Variants in RANBP2 observed in about 807,000 individuals in gnomAD.
RANBP2 encodes the protein E3 SUMO-protein ligase RanBP2.
A neutral mutation model predicts 303.6 loss-of-function variants in RANBP2; 57 were observed. The observed-to-expected ratio is 0.19, with a 90% CI of 0.15 to 0.23. The LOEUF (loss-of-function observed/expected upper bound fraction) is 0.23, where lower values mean the gene tolerates loss of function less well. RANBP2 is among the 10% of genes least tolerant of loss of function. The pLI is 1.00. For synonymous variants in RANBP2, 1,167 were observed against 1,301.5 expected, an observed-to-expected ratio of 0.90 and a Z score of 2.23; for missense variants, 3,138 against 3,780.8, an observed-to-expected ratio of 0.83 and a Z score of 4.46.
the RANBP2 span, among the ~76,000 whole-genome samples, chr2:109,135,453 T>C: frequency 1.1e-4 from 16 of 152,330 alleles, no homozygotes; most frequent in South Asian, 3.1e-3. Context: ...AGGGATGCTA[T>C]CTGCTTCTTA....
chr2:108,737,659 C>T (rs1320858474), intron 6 of RANBP2, among the ~76,000 whole-genome samples: 4 of 150,854 alleles, frequency 2.7e-5, no homozygotes, highest in Non-Finnish European at 5.9e-5. Context: ...AGTGATTCTC[C>T]TGTCTCTGCC....
the RANBP2 span, among the ~76,000 whole-genome samples, chr2:109,630,887 G>A: frequency 1.8e-3 from 270 of 152,170 alleles, 1 homozygote; most frequent in South Asian, 0.022. Flanking sequence ...CCAACATGGC[G>A]AAAACCCATC....
At chr2:109,505,090 GGCCCTTGGGGC>G in the RANBP2 span, among the ~76,000 whole-genome samples, 1 of 152,154 alleles carries the variant, frequency 6.6e-6, no homozygotes, top group African/African-American at 2.4e-5. Context: ...TTGTCTCTCT[GGCCCTTGGGGC>G]GCCTGAGCCA....
intron 6 of RANBP2, 134 bp downstream of exon 6, chr2:108,736,383 C>G: frequency 6.5e-7 from 1 of 1,530,652 alleles, no homozygotes; most frequent in South Asian, 1.2e-5. Context: ...ATACAGTGAA[C>G]AACTAGGAGG....
the RANBP2 span, among the ~76,000 whole-genome samples, chr2:109,105,142 T>C: frequency 2.6e-5 from 4 of 152,282 alleles, no homozygotes; most frequent in South Asian, 4.1e-4. Context: ...TCCCAATGGA[T>C]AGAAAACACC....
At chr2:109,689,709 C>A in the RANBP2 span, among the ~76,000 whole-genome samples, 1 of 152,144 alleles carries the variant, frequency 6.6e-6, no homozygotes, top group East Asian at 1.9e-4. Context: ...TTCCTTCCCC[C>A]CTCATCTCTG....
intron 2 of RANBP2, among the ~76,000 whole-genome samples, chr2:108,730,463 C>G (rs1393182527): frequency 1.3e-5 from 2 of 152,048 alleles, no homozygotes; most frequent in Non-Finnish European, 2.9e-5. Context: ...ACTGTTAGTG[C>G]TTTATTAAAA....
At chr2:109,731,696 A>G in the RANBP2 span, among the ~76,000 whole-genome samples, 3 of 151,824 alleles carry the variant, frequency 2.0e-5, no homozygotes, top group African/African-American at 7.3e-5. Flanking sequence ...CGCGGCCACC[A>G]GACTGGTCTT....
the RANBP2 span, among the ~76,000 whole-genome samples, chr2:108,834,007 A>G: frequency 6.7e-6 from 1 of 149,186 alleles, no homozygotes; most frequent in East Asian, 2.0e-4. Context: ...CGGCCTCCCA[A>G]AGTGCTGGGA....
chr2:109,647,075 T>TGCTGG, the RANBP2 span, among the ~76,000 whole-genome samples: 1 of 151,176 alleles, frequency 6.6e-6, no homozygotes, highest in Non-Finnish European at 1.5e-5. Flanking sequence ...CAGGGCAGGG[T>TGCTGG]GCTGGGCTCT....
At chr2:109,176,965 T>G in the RANBP2 span, among the ~76,000 whole-genome samples, 1 of 152,100 alleles carries the variant, frequency 6.6e-6, no homozygotes, top group Non-Finnish European at 1.5e-5. Context: ...GCATTTTAGG[T>G]GAGGTATGAT....
chr2:109,656,750 G>A, the RANBP2 span, among the ~76,000 whole-genome samples: 1 of 152,198 alleles, frequency 6.6e-6, no homozygotes, highest in African/African-American at 2.4e-5. Flanking sequence ...TTTGCCCTTT[G>A]GCGTTAATGA....
At chr2:109,133,334 C>T in the RANBP2 span, among the ~76,000 whole-genome samples, 1 of 152,212 alleles carries the variant, frequency 6.6e-6, no homozygotes, top group African/African-American at 2.4e-5. Context: ...TTGAAAATCT[C>T]TTCTGTGTCT....
At chr2:109,447,147 T>TAAAA in the RANBP2 span, among the ~76,000 whole-genome samples, 38 of 82,598 alleles carry the variant, frequency 4.6e-4, no homozygotes, top group African/African-American at 5.8e-4. Context: ...CCTGAATATT[T>TAAAA]AAAAAAAAAA....
chr2:109,222,615 C>T, the RANBP2 span, among the ~76,000 whole-genome samples: 1 of 152,210 alleles, frequency 6.6e-6, no homozygotes, highest in Non-Finnish European at 1.5e-5. Flanking sequence ...GTGCCCTGGA[C>T]TGGGCCTAGG....
chr2:109,525,237 C>G, the RANBP2 span, among the ~76,000 whole-genome samples: 1 of 152,166 alleles, frequency 6.6e-6, no homozygotes, highest in African/African-American at 2.4e-5. Flanking sequence ...TCACTGCAAC[C>G]TCTGCCTCCC....
chr2:109,106,934 C>CTTTTTTTTT, the RANBP2 span, among the ~76,000 whole-genome samples: 10 of 133,770 alleles, frequency 7.5e-5, no homozygotes, highest in African/African-American at 2.0e-4. Flanking sequence ...GGGCCTTCTC[C>CTTTTTTTTT]TTTTTTTTTT....
At chr2:109,143,193 A>AT in the RANBP2 span, among the ~76,000 whole-genome samples, 1 of 152,240 alleles carries the variant, frequency 6.6e-6, no homozygotes, top group Admixed American at 6.5e-5. Flanking sequence ...TGGTGCATAT[A>AT]GAAAAATTGT....
chr2:108,775,996 T>G (rs963969950), intron 24 of RANBP2, 60 bp downstream of exon 24: 1 of 1,463,254 alleles, frequency 6.8e-7, no homozygotes, highest in Non-Finnish European at 9.3e-7. Flanking sequence ...TTTGAGAAGA[T>G]AGACTTTTAA....
Sources: allele counts gnomAD v4.1 joint callset (sites outside exome capture counted in the v4.1 genomes callset), GRCh38; gene constraint gnomAD v4.1.1; transcripts MANE v1.5; gene names NCBI Gene and HGNC (gene_info 2026-07-23, HGNC 2026-07-21).